The following RBMS3 variants were observed in gnomAD, a reference collection of about 807,000 sequenced individuals.
RBMS3 encodes the protein RNA binding motif single stranded interacting protein 3.
In RBMS3, 27 loss-of-function variants were observed where a neutral mutation model predicts 66.8. The observed-to-expected ratio is 0.40, with a 90% CI of 0.30 to 0.56. The LOEUF is 0.56. RBMS3 is among the 20% of genes least tolerant of loss of function. RBMS3 has a pLI of 0.40. For synonymous variants in RBMS3, 188 were observed against 183.0 expected, an observed-to-expected ratio of 1.03 and a Z score of -0.22; for missense variants, 513 against 549.5, an observed-to-expected ratio of 0.93 and a Z score of 0.66.
At chr3:29,754,953 T>C (rs1010165159) in intron 5 of RBMS3, among the ~76,000 whole-genome samples, 1 of 152,100 alleles carries the variant, frequency 6.6e-6, no homozygotes, top group East Asian at 1.9e-4. Flanking sequence ...TGAAGCCCTG[T>C]ACTTATGTCT....
intron 4 of RBMS3, among the ~76,000 whole-genome samples, chr3:29,702,692 G>A (rs1028731780): frequency 4.6e-5 from 7 of 151,774 alleles, no homozygotes; most frequent in Admixed American, 2.0e-4. Flanking sequence ...TGAGAGGAAC[G>A]AACAACTCCA....
Position 29,802,327 on chromosome 3 carries a change from C to A in RBMS3, c.637+39338C>A, listed in dbSNP as rs78110290. ...CTTTCTTCTACAGATTCTTAGAAGG[C>A]TTTCTACTGTTCTCGTATTATATGA... On this transcript the variant is annotated intron_variant, in intron 6 of 14. Transcript: ENST00000383767. Among the ~76,000 whole-genome samples the A allele has an allele frequency of 6.2e-3, 945 of 152,278 alleles. 8 individuals carry two copies. Among genetic ancestry groups the A allele is most frequent in the African/African-American group, 0.022 (909 of 41,572 alleles).
intron 1 of RBMS3, among the ~76,000 whole-genome samples, chr3:29,358,928 A>G (rs963234384): frequency 6.6e-6 from 1 of 152,192 alleles, no homozygotes; most frequent in Non-Finnish European, 1.5e-5. Flanking sequence ...GTTGCTTATC[A>G]GCTTAAGGAG....
intron 3 of RBMS3, among the ~76,000 whole-genome samples, chr3:29,576,008 AT>A (rs2047107286): frequency 6.6e-6 from 1 of 152,060 alleles, no homozygotes; most frequent in African/African-American, 2.4e-5. Flanking sequence ...TCCTTCATGC[AT>A]TATTTAATTC....
chr3:29,806,537 A>G (rs2057553507), intron 6 of RBMS3, among the ~76,000 whole-genome samples: 1 of 151,972 alleles, frequency 6.6e-6, no homozygotes, highest in African/African-American at 2.4e-5. Flanking sequence ...AGCCAGCACA[A>G]TTTTTAAATC....
At chr3:29,727,549 G>A (rs150137166) in intron 4 of RBMS3, among the ~76,000 whole-genome samples, 1 of 151,978 alleles carries the variant, frequency 6.6e-6, no homozygotes, top group African/African-American at 2.4e-5. Context: ...GTAGGCAAAG[G>A]ATATGAACAG....
At chr3:29,860,277 AC>A (rs1309510051) in intron 6 of RBMS3, among the ~76,000 whole-genome samples, 3 of 152,248 alleles carry the variant, frequency 2.0e-5, no homozygotes, top group Non-Finnish European at 4.4e-5. Flanking sequence ...ATGGCCCCAG[AC>A]GTTCTTAAAG....
chr3:29,427,718 T>C (rs541146019), intron 1 of RBMS3, among the ~76,000 whole-genome samples: 24 of 152,096 alleles, frequency 1.6e-4, no homozygotes, highest in Non-Finnish European at 2.9e-4. Flanking sequence ...CAAATTCTAT[T>C]GCATAGGAGG....
chr3:29,384,623 AATG>A (rs1303523925), intron 1 of RBMS3, among the ~76,000 whole-genome samples: 1 of 152,180 alleles, frequency 6.6e-6, no homozygotes, highest in Non-Finnish European at 1.5e-5. Context: ...TGCTACCGAT[AATG>A]ATAATTTGAT....
At chr3:29,758,522 G>T (rs1481138619) in intron 5 of RBMS3, among the ~76,000 whole-genome samples, 3 of 152,122 alleles carry the variant, frequency 2.0e-5, no homozygotes, top group Admixed American at 6.5e-5. Context: ...TTGTAATGCT[G>T]AGCAAGATAC....
chr3:29,469,078 T>C (rs1003679710), intron 2 of RBMS3, among the ~76,000 whole-genome samples: 1 of 152,162 alleles, frequency 6.6e-6, no homozygotes, highest in Admixed American at 6.6e-5. Context: ...AGGTTACAGT[T>C]CAGCATTCTC....
intron 4 of RBMS3, among the ~76,000 whole-genome samples, chr3:29,663,055 G>T (rs1439841950): frequency 6.6e-6 from 1 of 152,038 alleles, no homozygotes; most frequent in African/African-American, 2.4e-5. Flanking sequence ...TATTTTTCTT[G>T]CTTGTTTGTT....
chr3:29,577,864 A>C (rs1051637829), intron 3 of RBMS3, among the ~76,000 whole-genome samples: 1 of 152,082 alleles, frequency 6.6e-6, no homozygotes, highest in Admixed American at 6.6e-5. Flanking sequence ...ATGAAGTTAA[A>C]ATTAGGTACT....
At chr3:29,899,989 TGA>T (rs10680172) in intron 10 of RBMS3, among the ~76,000 whole-genome samples, 12 of 147,410 alleles carry the variant, frequency 8.1e-5, no homozygotes, top group Middle Eastern at 3.4e-3. Context: ...AGCAAGAGAG[TGA>T]GAGAGAGAGA....
At chr3:29,575,283 G>GTTTTTTTTT (rs746440704) in intron 3 of RBMS3, among the ~76,000 whole-genome samples, 2 of 145,602 alleles carry the variant, frequency 1.4e-5, no homozygotes, top group Non-Finnish European at 3.0e-5. Flanking sequence ...AAGGGTAAAA[G>GTTTTTTTTT]TTTTTTTTTT....
At chr3:29,348,312 A>G (rs994131135) in intron 1 of RBMS3, among the ~76,000 whole-genome samples, 4 of 152,202 alleles carry the variant, frequency 2.6e-5, no homozygotes, top group Admixed American at 2.6e-4. Context: ...GAACTAAAAT[A>G]TTTCAGGCAA....
chr3:29,307,867 T>A (rs2034112149), intron 1 of RBMS3, among the ~76,000 whole-genome samples: 2 of 151,888 alleles, frequency 1.3e-5, no homozygotes, highest in Admixed American at 6.6e-5. Flanking sequence ...CAATTTGTTA[T>A]TCATCTAAGA....
At chr3:29,325,194 A>G (rs1223137216) in intron 1 of RBMS3, among the ~76,000 whole-genome samples, 1 of 152,166 alleles carries the variant, frequency 6.6e-6, no homozygotes. Context: ...AAAAAAAGAC[A>G]TAGTGCAGAA....
intron 1 of RBMS3, among the ~76,000 whole-genome samples, chr3:29,349,978 G>A (rs957140761): frequency 1.3e-5 from 2 of 152,016 alleles, no homozygotes; most frequent in Non-Finnish European, 2.9e-5. Flanking sequence ...TGACCAAAAT[G>A]GAGAAAACCC....
Sources: allele counts gnomAD v4.1 joint callset (sites outside exome capture counted in the v4.1 genomes callset), GRCh38; gene constraint gnomAD v4.1.1; transcripts MANE v1.5; gene names NCBI Gene and HGNC (gene_info 2026-07-23, HGNC 2026-07-21).